The following PBX1 variants were observed in gnomAD, a reference collection of about 807,000 sequenced individuals.
The protein encoded by PBX1 is pre-B-cell leukemia transcription factor 1.
Under a neutral mutation model 53.4 loss-of-function variants are expected in PBX1, and 6 were observed. The ratio of observed to expected loss-of-function variants is 0.11; its 90% CI spans 0.06 to 0.22. The LOEUF is 0.22. Among genes scored for constraint, PBX1 ranks in the 10% least tolerant of loss-of-function variants. PBX1 has a pLI of 1.00. For missense variants in PBX1, 251 were observed against 551.4 expected (o/e 0.46, Z 5.46); for synonymous variants, 204 against 212.3 (o/e 0.96, Z 0.34).
chr1:164,667,557 G>A (rs1292684792), intron 2 of PBX1, among the ~76,000 whole-genome samples: 1 of 152,082 alleles, frequency 6.6e-6, no homozygotes, highest in East Asian at 1.9e-4. Context: ...TCCCTGGGTA[G>A]CTGCTTCAGC....
At chr1:164,709,544 A>G (rs964177967) in intron 2 of PBX1, among the ~76,000 whole-genome samples, 11 of 152,066 alleles carry the variant, frequency 7.2e-5, no homozygotes, top group Non-Finnish European at 1.5e-4. Context: ...GTAACCTTGA[A>G]CTTTGTCAGA....
intron 8 of PBX1, among the ~76,000 whole-genome samples, chr1:164,822,022 GA>G (rs77105740): frequency 0.22 from 32,559 of 149,398 alleles, 4,076 homozygotes; most frequent in South Asian, 0.3. Flanking sequence ...TCTGTGGTCT[GA>G]AAAAAAAAAT....
downstream of PBX1, among the ~76,000 whole-genome samples, chr1:164,854,882 C>G (rs747983921): frequency 2.0e-5 from 3 of 151,880 alleles, no homozygotes; most frequent in African/African-American, 4.8e-5. Context: ...AAAATTCACT[C>G]TCTCCCACAA....
At chr1:164,838,426 C>T (rs773542283) in intron 8 of PBX1, among the ~76,000 whole-genome samples, 5 of 152,142 alleles carry the variant, frequency 3.3e-5, no homozygotes, top group South Asian at 2.1e-4. Flanking sequence ...TTAGAATCCT[C>T]GGACTTTTCT....
Position 164,765,040 on chromosome 1 carries a change from T to C in PBX1, c.266-27454T>C, listed in dbSNP as rs74924295. 7.3e-3 allele frequency among the ~76,000 whole-genome samples: 1,119 copies of C among 152,272 alleles called. 12 individuals are homozygous for C. Among genetic ancestry groups the C allele is most frequent in the African/African-American group, 0.025 (1,032 of 41,556 alleles). On this transcript the variant is annotated intron_variant, in intron 2 of 8. Coordinates refer to ENST00000420696, the MANE Select transcript of PBX1 (RefSeq NM_002585.4). ...GTTTCCATATAGTTATAGGTTAAAA[T>C]ACCCTTCCTCCACCCTCACCTTTCC...
intron 2 of PBX1, among the ~76,000 whole-genome samples, chr1:164,690,353 A>G (rs1686195): frequency 0.61 from 92,952 of 152,026 alleles, 29,805 homozygotes; most frequent in Non-Finnish European, 0.7. Context: ...AACATTTACA[A>G]TTATATTTTT....
At chr1:164,696,449 G>T (rs1421455169) in intron 2 of PBX1, among the ~76,000 whole-genome samples, 1 of 152,192 alleles carries the variant, frequency 6.6e-6, no homozygotes, top group Admixed American at 6.5e-5. Context: ...TGTGGTCACA[G>T]ATGCTGGCTT....
intron 2 of PBX1, among the ~76,000 whole-genome samples, chr1:164,877,427 C>T (rs1016799050): frequency 6.6e-6 from 1 of 152,174 alleles, no homozygotes; most frequent in Non-Finnish European, 1.5e-5. Context: ...CTTTGGGAGG[C>T]AGAGGCGGAC....
intron 2 of PBX1, among the ~76,000 whole-genome samples, chr1:164,631,590 G>A (rs75003629): frequency 0.025 from 3,747 of 152,138 alleles, 152 homozygotes; most frequent in African/African-American, 0.085. Context: ...CTTAGCCTCC[G>A]GGCATATTTA....
At chr1:164,805,914 C>A (rs190981511) in intron 4 of PBX1, among the ~76,000 whole-genome samples, 1 of 152,072 alleles carries the variant, frequency 6.6e-6, no homozygotes, top group African/African-American at 2.4e-5. Context: ...GGTGTTCTTC[C>A]GGTAAAATCA....
At chr1:164,681,164 G>A (rs552329979) in intron 2 of PBX1, among the ~76,000 whole-genome samples, 3 of 152,226 alleles carry the variant, frequency 2.0e-5, no homozygotes, top group South Asian at 4.1e-4. Context: ...AGGATTGCTT[G>A]GGCCCAGGAG....
chr1:164,687,151 G>A (rs1426343426), intron 2 of PBX1, among the ~76,000 whole-genome samples: 1 of 152,156 alleles, frequency 6.6e-6, no homozygotes, highest in Non-Finnish European at 1.5e-5. Context: ...TGTATGCAGA[G>A]TATTAACACT....
rs1256914404 is a variant in PBX1, at chr1:164,846,824, G to A, written c.*148G>A. On this transcript the variant is annotated 3_prime_UTR_variant, in exon 9 of 9. Transcript: ENST00000420696. ...AGAGTCTCCTTCTCTTCTCTTCTTT[G>A]GGATGCTATTTCAGCCAATCTGGAC... The A allele has an allele frequency of 1.3e-6, 2 of 1,486,886 alleles. No homozygotes were observed. Among genetic ancestry groups the A allele is most frequent in the African/African-American group, 2.8e-5 (2 of 71,682 alleles). 92.1% of individuals were successfully genotyped at this position (1,486,886 alleles called of 1,614,324 possible). A position where few individuals can be genotyped will look rare whatever the true frequency, so the allele number is the denominator to read the frequency against.
chr1:164,823,963 A>G (rs916425385), intron 8 of PBX1, among the ~76,000 whole-genome samples: 2 of 152,122 alleles, frequency 1.3e-5, no homozygotes, highest in Non-Finnish European at 2.9e-5. Flanking sequence ...ATGCTAAGAC[A>G]TGTGTGTATA....
In PBX1 at chr1:164,847,662, T is replaced by C; in HGVS notation, c.*986T>C. The C allele has an allele frequency of 1.9e-6, 2 of 1,059,434 alleles. No individual in the cohort carries two copies. The highest frequency in any genetic ancestry group is 9.1e-5 in the South Asian group (2 of 21,928). 65.6% of individuals were successfully genotyped at this position (1,059,434 alleles called of 1,614,324 possible). On this transcript the variant is annotated 3_prime_UTR_variant, in exon 9 of 9. Transcript: ENST00000420696. Reference sequence around the variant, plus strand: ...ATGTAGGCACATGTACCATCTCACATCTTCACTTTCCCGAGATGCCATATA... The same window carrying C: ...ATGTAGGCACATGTACCATCTCACACCTTCACTTTCCCGAGATGCCATATA...
chr1:164,650,953 T>A (rs1659771679), intron 2 of PBX1, among the ~76,000 whole-genome samples: 1 of 112,638 alleles, frequency 8.9e-6, no homozygotes, highest in Admixed American at 1.1e-4. Flanking sequence ...GGGGGAATGA[T>A]GTTGCTCAGA....
At chr1:164,737,222 A>G (rs987260591) in intron 2 of PBX1, among the ~76,000 whole-genome samples, 14 of 152,342 alleles carry the variant, frequency 9.2e-5, no homozygotes, top group African/African-American at 3.1e-4. Flanking sequence ...TCGAATGGTC[A>G]TTTATTTTCA....
intron 2 of PBX1, among the ~76,000 whole-genome samples, chr1:164,599,655 G>C (rs1292560075): frequency 6.6e-6 from 1 of 152,188 alleles, no homozygotes; most frequent in African/African-American, 2.4e-5. Context: ...CCTGGCGACT[G>C]TAGGGACACT....
At chr1:164,613,075 A>C (rs1037446456) in intron 2 of PBX1, among the ~76,000 whole-genome samples, 2 of 151,240 alleles carry the variant, frequency 1.3e-5, no homozygotes, top group Non-Finnish European at 2.9e-5. Flanking sequence ...ACCCTTCTAG[A>C]AATATTTTTA....
Sources: gnomAD v4.1 joint callset for allele counts (sites outside exome capture counted in the v4.1 genomes callset) on GRCh38, gnomAD v4.1.1 for gene constraint, MANE v1.5 for transcripts, NCBI Gene and HGNC (gene_info 2026-07-23, HGNC 2026-07-21) for gene names.